Variants in CREB3L2 observed in about 807,000 individuals in gnomAD.
The protein encoded by CREB3L2 is cAMP responsive element binding protein 3 like 2.
Under a neutral mutation model 57.2 loss-of-function variants are expected in CREB3L2, and 23 were observed. The ratio of observed to expected loss-of-function variants is 0.40; its 90% CI spans 0.29 to 0.57. The LOEUF is 0.57. Ranked by LOEUF, CREB3L2 falls within the 20% of genes least tolerant of loss-of-function variation. The probability of loss-of-function intolerance (pLI) is 0.42; values close to 1 mark genes in which losing one functional copy is unlikely to be tolerated. For missense variants in CREB3L2, 628 were observed against 634.7 expected, an observed-to-expected ratio of 0.99 and a Z score of 0.11; for synonymous variants, 268 against 265.1, an observed-to-expected ratio of 1.01 and a Z score of -0.11.
At chr7:137,940,545 A>G (rs771455703) in intron 1 of CREB3L2, among the ~76,000 whole-genome samples, 45 of 152,228 alleles carry the variant, frequency 3.0e-4, no homozygotes, top group Non-Finnish European at 5.3e-4. Flanking sequence ...TGAAATCTAC[A>G]CTACAGACTC....
chr7:137,928,485 T>C, intron 1 of CREB3L2, 119 bp from the exon 2 acceptor site: 2 of 776,096 alleles, frequency 2.6e-6, no homozygotes, highest in Non-Finnish European at 2.2e-6. Flanking sequence ...ACACACACAA[T>C]GTCCAGTTAG....
intron 1 of CREB3L2, among the ~76,000 whole-genome samples, chr7:137,985,564 A>G (rs1363621887): frequency 6.6e-6 from 1 of 152,104 alleles, no homozygotes; most frequent in African/African-American, 2.4e-5. Flanking sequence ...CAGACCCCTA[A>G]ACAGGTCACA....
At chr7:137,928,444 C>T (rs1463732552) in intron 1 of CREB3L2, 78 bp from the exon 2 acceptor site, 3 of 1,105,338 alleles carry the variant, frequency 2.7e-6, no homozygotes, top group Non-Finnish European at 4.1e-6. Context: ...TACCAAATAC[C>T]TCATCCACTG....
At position 137,908,161 on chromosome 7, in the gene CREB3L2, A is replaced by G. The variant is rs1221779380; in HGVS notation, c.768+91T>C. 3.1e-5 allele frequency: 29 copies of G among 940,642 alleles called. 1 individual carries two copies. 58.3% of individuals were successfully genotyped at this position (940,642 alleles called of 1,614,324 possible). ...ACTTCTTGACAAAAGTAAAAACCAA[A>G]CAGCCTTGAGTGGTCCTGCTCTGGA... On this transcript the variant is annotated intron_variant, in intron 5 of 11. Coordinates refer to ENST00000330387, the MANE Select transcript of CREB3L2 (RefSeq NM_194071.4).
At chr7:137,917,004 C>T (rs1006963573) in intron 2 of CREB3L2, among the ~76,000 whole-genome samples, 1 of 152,154 alleles carries the variant, frequency 6.6e-6, no homozygotes, top group African/African-American at 2.4e-5. Context: ...TGTGATCCCA[C>T]CTAGCCTTAA....
chr7:137,909,287 C>T (rs1274486636), intron 4 of CREB3L2, among the ~76,000 whole-genome samples: 1 of 152,110 alleles, frequency 6.6e-6, no homozygotes, highest in Non-Finnish European at 1.5e-5. Context: ...TAAAGTCTCC[C>T]GCGTCTTTCC....
rs574152599 is a variant in CREB3L2, at chr7:137,928,920, C to A, written c.103-554G>T. ...ACAATGCAGACGAGTGTGGACAGTG[C>A]GGGGGGCATGATTCACTGGGGGTCC... On this transcript the variant is annotated intron_variant, in intron 1 of 11. Transcript: ENST00000330387. 9.2e-5 allele frequency among the ~76,000 whole-genome samples: 14 copies of A among 152,232 alleles called. No homozygotes were observed. In the South Asian group the frequency reaches 2.5e-3, roughly 27 times the overall value.
chr7:137,918,196 T>TTTTTG (rs75758825), intron 2 of CREB3L2, among the ~76,000 whole-genome samples: 88,879 of 150,906 alleles, frequency 0.59, 26,515 homozygotes, highest in East Asian at 0.9. Context: ...ATGCTTTTGC[T>TTTTTG]TTTTGTTTTG....
At chr7:137,999,519 A>C (rs1245282136) in intron 1 of CREB3L2, 1 of 152,154 alleles carries the variant, frequency 6.6e-6, no homozygotes, top group Non-Finnish European at 1.5e-5. Flanking sequence ...AAGAACAAAT[A>C]TCTCTCTGAC....
At chr7:137,912,684 T>G in intron 4 of CREB3L2, 2 of 665,218 alleles carry the variant, frequency 3.0e-6, no homozygotes, top group Non-Finnish European at 2.5e-6. Flanking sequence ...GGGCTGCAGT[T>G]CTCTTGTTCG....
chr7:137,890,831 G>A (rs1035932515), intron 8 of CREB3L2, among the ~76,000 whole-genome samples: 3 of 152,178 alleles, frequency 2.0e-5, no homozygotes, highest in Non-Finnish European at 4.4e-5. Context: ...CTTGCATGAA[G>A]GGCTGGGTGG....
intron 1 of CREB3L2, among the ~76,000 whole-genome samples, chr7:137,969,004 C>A: frequency 6.6e-6 from 1 of 152,096 alleles, no homozygotes; most frequent in East Asian, 1.9e-4. Context: ...AGAGAAGGAA[C>A]GAAGAAGACG....
At chr7:137,909,603 G>A (rs1258633374) in intron 4 of CREB3L2, among the ~76,000 whole-genome samples, 7 of 152,160 alleles carry the variant, frequency 4.6e-5, no homozygotes, top group South Asian at 2.1e-4. Flanking sequence ...GGTTCTGCTC[G>A]GCCAGAGAAC....
At chr7:137,941,129 G>A (rs1055758451) in intron 1 of CREB3L2, among the ~76,000 whole-genome samples, 1 of 152,216 alleles carries the variant, frequency 6.6e-6, no homozygotes, top group African/African-American at 2.4e-5. Context: ...CCGGACTCAT[G>A]GGACAGAAGG....
chr7:137,965,601 A>T (rs905487845), intron 1 of CREB3L2, among the ~76,000 whole-genome samples: 2 of 152,206 alleles, frequency 1.3e-5, no homozygotes, highest in African/African-American at 4.8e-5. Flanking sequence ...CTCAGGAAGC[A>T]CTGATTAAAG....
chr7:137,938,072 T>C (rs1800821421), intron 1 of CREB3L2, among the ~76,000 whole-genome samples: 1 of 152,210 alleles, frequency 6.6e-6, no homozygotes, highest in African/African-American at 2.4e-5. Flanking sequence ...GCAGTGGAAC[T>C]CTGACACGGA....
rs1554495251 is a variant in CREB3L2 at position 137,901,887 on chromosome 7, A to AAAAAG, written c.975-466_975-465insCTTTT. ...CAAGATCTGTCTCAAAAAAAAAAAAAAAAAAGAAAAATAGAAGGAGCTGGG... is the reference window on the plus strand; with the variant it reads ...CAAGATCTGTCTCAAAAAAAAAAAAAAAAAGAAAAAGAAAAATAGAAGGAGCTGGG... On this transcript the variant is annotated intron_variant, in intron 7 of 11. Coordinates refer to ENST00000330387, the MANE Select transcript of CREB3L2 (RefSeq NM_194071.4). Among the ~76,000 whole-genome samples the AAAAAG allele has an allele frequency of 1.6e-3, 243 of 148,930 alleles. 5 individuals are homozygous for AAAAAG. Among genetic ancestry groups the AAAAAG allele is most frequent in the African/African-American group, 5.9e-3 (236 of 40,164 alleles).
intron 1 of CREB3L2, among the ~76,000 whole-genome samples, chr7:137,962,731 C>T (rs769631926): frequency 2.6e-5 from 4 of 152,070 alleles, no homozygotes; most frequent in Admixed American, 1.3e-4. Context: ...TGTTTGCTTC[C>T]GATCTCCTGC....
rs1280962820 is a variant in CREB3L2, at chr7:137,922,420, A to G, written c.319+5730T>C. ...TATATATATATATATATATATGTAT[A>G]TATATATATATATATACGTATATAT... On this transcript the variant is annotated intron_variant, in intron 2 of 11. Coordinates refer to ENST00000330387, the MANE Select transcript of CREB3L2 (RefSeq NM_194071.4). Among the ~76,000 whole-genome samples the G allele has an allele frequency of 3.0e-4, 13 of 42,676 alleles. 1 individual carries two copies. The highest frequency in any genetic ancestry group is 1.0e-3 in the African/African-American group (6 of 5,838). The allele number at this position is 42,676 out of a possible 152,430, so 28.0% of individuals were successfully genotyped here.
Sources: gnomAD v4.1 joint callset for allele counts (sites outside exome capture counted in the v4.1 genomes callset) on GRCh38, gnomAD v4.1.1 for gene constraint, MANE v1.5 for transcripts, NCBI Gene and HGNC (gene_info 2026-07-23, HGNC 2026-07-21) for gene names.